The following NBEAL1 variants were observed in gnomAD, a reference collection of about 807,000 sequenced individuals.
NBEAL1 encodes neurobeachin like 1.
In NBEAL1, 273 loss-of-function variants were observed where a neutral mutation model predicts 351.3. The observed-to-expected ratio is 0.78, with a 90% CI of 0.70 to 0.86. The LOEUF (loss-of-function observed/expected upper bound fraction) is 0.86. Among genes scored for constraint, NBEAL1 ranks in the 40% least tolerant of loss-of-function variants. The pLI is 0.00. For synonymous variants in NBEAL1, 1,050 were observed against 1,086.4 expected (o/e 0.97, Z 0.66); for missense variants, 2,961 against 3,201.3 (o/e 0.92, Z 1.81).
At chr2:203,072,770 C>T (rs1210213625) in intron 7 of NBEAL1, among the ~76,000 whole-genome samples, 1 of 152,148 alleles carries the variant, frequency 6.6e-6, no homozygotes, top group African/African-American at 2.4e-5. Flanking sequence ...TTCCAGCATG[C>T]ACCTCAAAAC....
chr2:203,211,255 A>G, intron 54 of NBEAL1, 149 bp downstream of exon 54: 1 of 451,784 alleles, frequency 2.2e-6, no homozygotes, highest in Non-Finnish European at 3.7e-6. Flanking sequence ...AAATTGGAGG[A>G]GCTAAAGTAT....
chr2:203,038,573 A>T (rs1030657918), intron 2 of NBEAL1, among the ~76,000 whole-genome samples: 1 of 148,612 alleles, frequency 6.7e-6, no homozygotes, highest in African/African-American at 2.4e-5. Context: ...TTTGTAGGAG[A>T]TCTTTATGTT....
At chr2:203,155,745 G>C (rs1453043439) in intron 35 of NBEAL1, among the ~76,000 whole-genome samples, 1 of 152,156 alleles carries the variant, frequency 6.6e-6, no homozygotes, top group Non-Finnish European at 1.5e-5. Context: ...ATCACACTCA[G>C]CCTGTAAATA....
chr2:203,220,286 C>T lies in NBEAL1; in HGVS notation c.*2932C>T, dbSNP rs2065940268. Among the ~76,000 whole-genome samples the T allele has an allele frequency of 6.6e-6, 1 of 152,100 alleles. No homozygotes were observed. Among genetic ancestry groups the T allele is most frequent in the Non-Finnish European group, 1.5e-5 (1 of 68,024 alleles). ...GGATCACAAGGTCAGGAGTTCAAGA[C>T]CAGCCTGGCCAACATGGTGAAACCC... On this transcript the variant is annotated 3_prime_UTR_variant, in exon 56 of 56. Coordinates refer to ENST00000683969, the MANE Select transcript of NBEAL1 (RefSeq NM_001378026.1).
intron 8 of NBEAL1, among the ~76,000 whole-genome samples, chr2:203,082,012 G>C (rs538942572): frequency 6.6e-6 from 1 of 152,318 alleles, no homozygotes; most frequent in East Asian, 1.9e-4. Flanking sequence ...GCCAAAGCCT[G>C]AATAGTTGAG....
chr2:203,204,989 A>G (rs1201581330), intron 51 of NBEAL1, among the ~76,000 whole-genome samples: 2 of 152,110 alleles, frequency 1.3e-5, no homozygotes, highest in Non-Finnish European at 2.9e-5. Context: ...TTTCTAATAT[A>G]CTAATTATTT....
In NBEAL1 at chr2:203,099,648, A is replaced by G. The variant is rs770805376; in HGVS notation, c.1205A>G (p.Asp402Gly). Residue 402 changes from aspartate (D) to glycine (G), a missense_variant, in exon 12 of 56, where the codon GAT (aspartate) becomes GGT (glycine). Asp to Gly is a moderately conservative substitution (Grantham distance 94, BLOSUM62 -1). Transcript: ENST00000683969. ...CAATAGGTGTTTCAGGGACAATTGG[A>G]TTGTTTGGCCATATCAACCATTCAG... ...NEDQVFQGQLDCLAISTIQAL... is the reference protein window; with the variant it reads ...NEDQVFQGQLGCLAISTIQAL... 6 of 1,549,682 alleles carry G rather than the reference A, an allele frequency of 3.9e-6. No individual in the cohort carries two copies. The highest frequency in any genetic ancestry group is 1.2e-5 in the South Asian group (1 of 83,388).
rs187481595 is a variant in NBEAL1 at position 203,189,930 on chromosome 2, G to A, written c.6824-362G>A. Reference sequence around the variant, plus strand: ...GCAGGCAGATCACCTGAGGTCAGAAGTTCAAGACCAGCCTGGCCAACATAG... The same window carrying A: ...GCAGGCAGATCACCTGAGGTCAGAAATTCAAGACCAGCCTGGCCAACATAG... On this transcript the variant is annotated intron_variant, in intron 45 of 55. Transcript: ENST00000683969. 5.4e-3 allele frequency among the ~76,000 whole-genome samples: 819 copies of A among 151,896 alleles called. 10 individuals carry two copies. Among genetic ancestry groups the A allele is most frequent in the African/African-American group, 0.018 (760 of 41,436 alleles).
Position 203,211,032 on chromosome 2 carries a change from A to C in NBEAL1, c.7860A>C (p.Ser2620=). 6.2e-7 allele frequency: 1 copy of C among 1,607,316 alleles called. No individual in the cohort carries two copies. Residue 2620 remains serine (S), a synonymous_variant, in exon 54 of 56, where the codon TCA becomes TCC. Coordinates refer to ENST00000683969, the MANE Select transcript of NBEAL1 (RefSeq NM_001378026.1). ...LGSQILKEQV[S]DICIIGEHIV... is the part of the protein sequence containing the mutation. ...CTCAAATCCTGAAGGAACAAGTATC[A>C]GATATATGTATAATCGGAGAACACA... is the stretch of plus-strand genomic sequence containing the variant.
In NBEAL1 at chr2:203,217,332, A is replaced by G; in HGVS notation, c.8150A>G (p.Tyr2717Cys). 4 of 1,583,734 alleles carry G rather than the reference A, an allele frequency of 2.5e-6. No individual in the cohort carries two copies. Among genetic ancestry groups the G allele is most frequent in the Non-Finnish European group, 3.4e-6 (4 of 1,168,188 alleles). The change falls in exon 56 of 56, where the codon TAT becomes TGT. Residue 2717 changes from tyrosine to cysteine, a missense_variant. By Grantham distance (194) the Tyr-to-Cys change is radical. Coordinates refer to ENST00000683969, the MANE Select transcript of NBEAL1 (RefSeq NM_001378026.1). ...CAGATTTCAGCTGGAGAAACTGAAT[A>G]TAATACTCAAGATTCCAAGTGATTG... ...LSQISAGETE[Y>C]NTQDSK
At chr2:203,049,701 A>G (rs1339491966) in intron 3 of NBEAL1, 113 bp from the exon 4 acceptor site, 7 of 875,120 alleles carry the variant, frequency 8.0e-6, no homozygotes, top group Non-Finnish European at 1.2e-5. Context: ...AGTATCTGGA[A>G]TAAATAAAAG....
At chr2:203,168,609 A>T (rs950223681) in intron 38 of NBEAL1, among the ~76,000 whole-genome samples, 1 of 151,810 alleles carries the variant, frequency 6.6e-6, no homozygotes, top group Non-Finnish European at 1.5e-5. Flanking sequence ...AATAAGGCAG[A>T]TTCTGGCTGG....
chr2:203,116,811 G>T (rs2062710815), intron 18 of NBEAL1, among the ~76,000 whole-genome samples: 1 of 150,950 alleles, frequency 6.6e-6, no homozygotes, highest in African/African-American at 2.4e-5. Context: ...AAAAAAAGGG[G>T]GGGGCCCAGC....
chr2:203,102,452 T>C (rs1478429988), intron 12 of NBEAL1, among the ~76,000 whole-genome samples: 1 of 152,224 alleles, frequency 6.6e-6, no homozygotes, highest in Non-Finnish European at 1.5e-5. Flanking sequence ...GGGTTTGTCA[T>C]AGATGGCTCT....
chr2:203,206,742 G>A (rs2065584610), intron 51 of NBEAL1, among the ~76,000 whole-genome samples: 1 of 152,064 alleles, frequency 6.6e-6, no homozygotes, highest in African/African-American at 2.4e-5. Flanking sequence ...CCAGGCTGGA[G>A]TGCAGTGGCA....
At chr2:203,053,195 C>A (rs544189854) in intron 4 of NBEAL1, among the ~76,000 whole-genome samples, 55 of 152,256 alleles carry the variant, frequency 3.6e-4, no homozygotes, top group African/African-American at 1.3e-3. Flanking sequence ...TTCCCACCAA[C>A]AATGAATGAG....
intron 25 of NBEAL1, 45 bp downstream of exon 25, chr2:203,130,521 G>T (rs969495646): frequency 2.3e-6 from 3 of 1,289,576 alleles, no homozygotes; most frequent in South Asian, 2.6e-5. Context: ...GGCGTTTGTG[G>T]GTATATGAAT....
At chr2:203,119,424 C>T (rs76047617) in intron 18 of NBEAL1, among the ~76,000 whole-genome samples, 96 of 66,658 alleles carry the variant, frequency 1.4e-3, no homozygotes, top group Admixed American at 1.8e-3. Context: ...CGGCCTGTTG[C>T]TTTTTTTTTT....
In NBEAL1 at chr2:203,222,133, G is replaced by A. The variant is rs2065960235; in HGVS notation, c.*4779G>A. Reference sequence around the variant, plus strand: ...AGCCTAGAGATCAAGGCTGCAGTAAGCTGTGATTGCACCACTGCACTTCAG... The same window carrying A: ...AGCCTAGAGATCAAGGCTGCAGTAAACTGTGATTGCACCACTGCACTTCAG... On this transcript the variant is annotated 3_prime_UTR_variant, in exon 56 of 56. Transcript: ENST00000683969. Among the ~76,000 whole-genome samples, 1 of 152,198 alleles carries A rather than the reference G, an allele frequency of 6.6e-6. No individual in the cohort carries two copies. The highest frequency in any genetic ancestry group is 2.4e-5 in the African/African-American group (1 of 41,456).
Sources: gnomAD v4.1 joint callset for allele counts (sites outside exome capture counted in the v4.1 genomes callset) on GRCh38, gnomAD v4.1.1 for gene constraint, MANE v1.5 for transcripts, NCBI Gene and HGNC (gene_info 2026-07-23, HGNC 2026-07-21) for gene names.